The following ATXN7L1 variants were observed in gnomAD, a reference collection of about 807,000 sequenced individuals.
ATXN7L1 encodes the protein ataxin-7-like protein 1.
A neutral mutation model predicts 70.8 loss-of-function variants in ATXN7L1; 15 were observed. The ratio of observed to expected loss-of-function variants is 0.21; its 90% CI spans 0.14 to 0.33. The LOEUF (loss-of-function observed/expected upper bound fraction) is 0.33. Ranked by LOEUF, ATXN7L1 falls within the 10% of genes least tolerant of loss-of-function variation. The pLI, the probability that ATXN7L1 is intolerant of heterozygous loss-of-function variation, is 1.00. For synonymous variants in ATXN7L1, 440 were observed against 445.1 expected, an observed-to-expected ratio of 0.99 and a Z score of 0.14; for missense variants, 975 against 1,097.1, an observed-to-expected ratio of 0.89 and a Z score of 1.57.
chr7:105,619,139 A>ATTTTTT (rs1794365463), intron 9 of ATXN7L1, among the ~76,000 whole-genome samples: 174 of 23,450 alleles, frequency 7.4e-3, no homozygotes, highest in Non-Finnish European at 0.011. Context: ...TGAAATCTTT[A>ATTTTTT]GTTTTTTTTT....
chr7:105,680,121 C>T (rs1805340250), intron 3 of ATXN7L1, among the ~76,000 whole-genome samples: 1 of 150,824 alleles, frequency 6.6e-6, no homozygotes, highest in East Asian at 1.9e-4. Context: ...AAAAGTATTC[C>T]AAGACTCAGA....
chr7:105,729,593 C>T (rs921457412), intron 3 of ATXN7L1, among the ~76,000 whole-genome samples: 10 of 151,862 alleles, frequency 6.6e-5, no homozygotes, highest in African/African-American at 2.2e-4. Context: ...CTACACCCAT[C>T]TAATTTTTAT....
chr7:105,665,360 C>T, intron 3 of ATXN7L1, 72 bp from the exon 4 acceptor site: 1 of 1,230,778 alleles, frequency 8.1e-7, no homozygotes, highest in Non-Finnish European at 1.2e-6. Flanking sequence ...CTCACATACA[C>T]TCAAACACAC....
intron 7 of ATXN7L1, among the ~76,000 whole-genome samples, chr7:105,626,544 G>T (rs928101818): frequency 1.3e-5 from 2 of 152,266 alleles, no homozygotes; most frequent in African/African-American, 4.8e-5. Flanking sequence ...AGTGTCATAA[G>T]AATTATGTTG....
At chr7:105,761,078 T>C in intron 3 of ATXN7L1, 3 of 848,710 alleles carry the variant, frequency 3.5e-6, no homozygotes, top group Non-Finnish European at 4.4e-6. Context: ...GGAGCAAGAG[T>C]GGAAGCAGGA....
At chr7:105,650,030 C>A (rs1422869119) in intron 4 of ATXN7L1, among the ~76,000 whole-genome samples, 1 of 152,208 alleles carries the variant, frequency 6.6e-6, no homozygotes, top group Non-Finnish European at 1.5e-5. Context: ...AAGGAATTTA[C>A]CCTCTTTTAA....
At chr7:105,748,736 G>T (rs1270117733) in intron 3 of ATXN7L1, among the ~76,000 whole-genome samples, 11 of 152,156 alleles carry the variant, frequency 7.2e-5, no homozygotes, top group Admixed American at 7.2e-4. Context: ...AACTCTCTGG[G>T]GAGCTGAGCA....
intron 10 of ATXN7L1, among the ~76,000 whole-genome samples, chr7:105,612,663 G>C (rs1277851888): frequency 1.3e-5 from 2 of 152,064 alleles, no homozygotes; most frequent in Non-Finnish European, 2.9e-5. Context: ...CCCTCAGCTC[G>C]AGCGAGAGGA....
chr7:105,727,777 TACACACACATACAC>T (rs1796074867), intron 3 of ATXN7L1, among the ~76,000 whole-genome samples: 13 of 90,188 alleles, frequency 1.4e-4, no homozygotes, highest in Non-Finnish European at 2.2e-4. Flanking sequence ...TATATATATA[TACACACACATACAC>T]ACATATATAT....
chr7:105,630,911 C>G lies in ATXN7L1; in HGVS notation c.1203-6644G>C, dbSNP rs563965940. On this transcript the variant is annotated intron_variant, in intron 7 of 11. Transcript: ENST00000419735. Reference sequence around the variant, plus strand: ...TCATTAAGAAAAACAAAAACAAAAACAAAAGAGACACACAGGAAAGGTGGT... The same window carrying G: ...TCATTAAGAAAAACAAAAACAAAAAGAAAAGAGACACACAGGAAAGGTGGT... Among the ~76,000 whole-genome samples, 7 of 152,092 alleles carry G rather than the reference C, an allele frequency of 4.6e-5. No individual in the cohort carries two copies. In the South Asian group the frequency reaches 1.5e-3, roughly 32 times the overall value.
chr7:105,694,516 A>G (rs1226679951), intron 3 of ATXN7L1, among the ~76,000 whole-genome samples: 5 of 152,186 alleles, frequency 3.3e-5, no homozygotes, highest in Non-Finnish European at 5.9e-5. Flanking sequence ...TGAAGGAGGG[A>G]AACAGGGTTC....
intron 2 of ATXN7L1, among the ~76,000 whole-genome samples, chr7:105,844,396 T>C (rs1016167696): frequency 1.3e-5 from 2 of 152,208 alleles, no homozygotes; most frequent in African/African-American, 4.8e-5. Context: ...ACAAGTGGAA[T>C]TTATCCCAGC....
intron 3 of ATXN7L1, among the ~76,000 whole-genome samples, chr7:105,719,910 A>T (rs660401): frequency 6.6e-6 from 1 of 152,102 alleles, no homozygotes; most frequent in South Asian, 2.1e-4. Context: ...AAAAGTTGCA[A>T]TGCCAGGGCC....
In ATXN7L1 at chr7:105,859,422, C is replaced by T. The variant is rs1160119069; in HGVS notation, c.250+16390G>A. 2.0e-5 allele frequency among the ~76,000 whole-genome samples: 3 copies of T among 151,952 alleles called. No homozygotes were observed. In the East Asian group the frequency reaches 5.8e-4, roughly 29 times the overall value. Reference sequence around the variant, plus strand: ...ATATATACACATACATATACATATACACACACACAGTCGCATAATGACACT... The same window carrying T: ...ATATATACACATACATATACATATATACACACACAGTCGCATAATGACACT... On this transcript the variant is annotated intron_variant, in intron 2 of 11. Coordinates refer to ENST00000419735, the MANE Select transcript of ATXN7L1 (RefSeq NM_020725.2).
chr7:105,762,580 C>G (rs1341914217), intron 3 of ATXN7L1, among the ~76,000 whole-genome samples: 3 of 152,180 alleles, frequency 2.0e-5, no homozygotes, highest in Non-Finnish European at 2.9e-5. Flanking sequence ...CTTTCTTCAG[C>G]CCAATCAGGT....
chr7:105,728,193 T>G (rs1295419688), intron 3 of ATXN7L1, among the ~76,000 whole-genome samples: 2 of 152,090 alleles, frequency 1.3e-5, no homozygotes, highest in African/African-American at 4.8e-5. Flanking sequence ...GTAAAAAAAC[T>G]TCACTGAAGA....
In ATXN7L1 at chr7:105,764,898, T is replaced by TA. The variant is rs991373458; in HGVS notation, c.355+23705dup. Among the ~76,000 whole-genome samples the TA allele has an allele frequency of 3.8e-3, 552 of 145,782 alleles. 4 individuals carry two copies. The highest frequency in any genetic ancestry group is 0.011 in the African/African-American group (423 of 39,940). Reference sequence around the variant, plus strand: ...TACAGCTGGCTCAGGCTTTTAGGCTTAAAAAAAAAAAGATTATGAGATTCC... The same window carrying TA: ...TACAGCTGGCTCAGGCTTTTAGGCTTAAAAAAAAAAAAGATTATGAGATTCC... On this transcript the variant is annotated intron_variant, in intron 3 of 11. Transcript: ENST00000419735.
chr7:105,789,740 C>G (rs1256317512), intron 2 of ATXN7L1, among the ~76,000 whole-genome samples: 1 of 152,070 alleles, frequency 6.6e-6, no homozygotes, highest in East Asian at 1.9e-4. Flanking sequence ...GATTTTGACT[C>G]TGACTTTAAG....
chr7:105,626,139 C>T (rs1344977032), intron 7 of ATXN7L1, among the ~76,000 whole-genome samples: 1 of 152,216 alleles, frequency 6.6e-6, no homozygotes, highest in Admixed American at 6.5e-5. Flanking sequence ...AACAACCCAA[C>T]TGTCCATCAA....
Sources: gnomAD v4.1 joint callset for allele counts (sites outside exome capture counted in the v4.1 genomes callset) on GRCh38, gnomAD v4.1.1 for gene constraint, MANE v1.5 for transcripts, NCBI Gene and HGNC (gene_info 2026-07-23, HGNC 2026-07-21) for gene names.